The following CDH20 variants were observed in gnomAD, a reference collection of about 807,000 sequenced individuals.
CDH20 encodes the protein cadherin-20.
CDH20 carries 29 observed loss-of-function variants against 74.2 expected under a neutral mutation model. That is an observed-to-expected ratio of 0.39 (90% CI 0.29 to 0.53). The LOEUF (loss-of-function observed/expected upper bound fraction) is 0.53. Ranked by LOEUF, CDH20 falls within the 20% of genes least tolerant of loss-of-function variation. The pLI is 0.69. For synonymous variants in CDH20, 469 were observed against 405.4 expected (o/e 1.16, Z -1.88); for missense variants, 988 against 1,048.3 (o/e 0.94, Z 0.79).
At chr18:61,422,883 A>C (rs1012185767) in intron 1 of CDH20, among the ~76,000 whole-genome samples, 2 of 152,122 alleles carry the variant, frequency 1.3e-5, no homozygotes, top group African/African-American at 4.8e-5. Context: ...ATTTTATGAA[A>C]GAGTAGGAGA....
chr18:61,353,310 G>A lies in CDH20; in HGVS notation c.-153+19483G>A, dbSNP rs2144116988. Among the ~76,000 whole-genome samples the A allele has an allele frequency of 6.6e-6, 1 of 152,154 alleles. No individual in the cohort carries two copies. The highest frequency in any genetic ancestry group is 2.4e-5 in the African/African-American group (1 of 41,512). On this transcript the variant is annotated intron_variant, in intron 1 of 11. Coordinates refer to ENST00000262717, the MANE Select transcript of CDH20 (RefSeq NM_031891.4). The surrounding 1 kb of genome is among the most constrained non-coding windows in gnomAD (Gnocchi z 4.6). ...TTTGTTCTTATACTTCTCTGGCCCT[G>A]GGCTTTTCTCATCTACATGCTGTTC...
At chr18:61,546,076 T>C (rs1913238831) in intron 10 of CDH20, among the ~76,000 whole-genome samples, 1 of 152,174 alleles carries the variant, frequency 6.6e-6, no homozygotes, top group Non-Finnish European at 1.5e-5. Context: ...CAAATGAACC[T>C]CATCTGTTGT....
intron 1 of CDH20, among the ~76,000 whole-genome samples, chr18:61,452,153 G>T (rs913126721): frequency 6.6e-6 from 1 of 151,960 alleles, no homozygotes; most frequent in East Asian, 1.9e-4. Flanking sequence ...CTTCCATTCA[G>T]TTCTTATATT....
intron 1 of CDH20, among the ~76,000 whole-genome samples, chr18:61,360,831 T>G (rs1910665167): frequency 6.6e-6 from 1 of 152,216 alleles, no homozygotes; most frequent in African/African-American, 2.4e-5. Context: ...GGGAACAGCA[T>G]TTGCTAAAGT....
At chr18:61,524,315 G>A (rs1347410058) in intron 6 of CDH20, among the ~76,000 whole-genome samples, 1 of 152,182 alleles carries the variant, frequency 6.6e-6, no homozygotes, top group Non-Finnish European at 1.5e-5. Flanking sequence ...TGACAAAGAT[G>A]TGGGGTGACT....
At chr18:61,492,265 A>G (rs945681152) in intron 2 of CDH20, among the ~76,000 whole-genome samples, 1 of 151,948 alleles carries the variant, frequency 6.6e-6, no homozygotes, top group African/African-American at 2.4e-5. Context: ...CTCCCTCTGC[A>G]AATTCTGCTA....
intron 1 of CDH20, among the ~76,000 whole-genome samples, chr18:61,422,092 G>C (rs2215460): frequency 6.6e-6 from 1 of 152,220 alleles, no homozygotes; most frequent in South Asian, 2.1e-4. Flanking sequence ...CATGCATTCA[G>C]GGACCTTAAT....
chr18:61,435,524 G>A (rs1908802146), intron 1 of CDH20, among the ~76,000 whole-genome samples: 1 of 151,932 alleles, frequency 6.6e-6, no homozygotes, highest in Admixed American at 6.6e-5. Flanking sequence ...GATGCAGGTA[G>A]ATAAATGGAA....
chr18:61,452,198 A>G (rs1361083058), intron 1 of CDH20, among the ~76,000 whole-genome samples: 1 of 152,102 alleles, frequency 6.6e-6, no homozygotes, highest in Admixed American at 6.5e-5. Flanking sequence ...TCTATGTCCG[A>G]TTCATTTCCA....
chr18:61,462,792 C>T (rs1242116226), intron 1 of CDH20, among the ~76,000 whole-genome samples: 3 of 151,428 alleles, frequency 2.0e-5, no homozygotes, highest in African/African-American at 7.3e-5. Context: ...AACTCAAGAT[C>T]CTTGAAGTTT....
chr18:61,347,319 TACACACAC>T lies in CDH20; in HGVS notation c.-153+13518_-153+13525del, dbSNP rs33985303. Among the ~76,000 whole-genome samples, 108 of 77,374 alleles carry T rather than the reference TACACACAC, an allele frequency of 1.4e-3. 1 individual carries two copies. Among genetic ancestry groups the T allele is most frequent in the East Asian group, 2.9e-3 (8 of 2,802 alleles). The allele number at this position is 77,374 out of a possible 152,430, so 50.8% of individuals were successfully genotyped here. A position where few individuals can be genotyped will look rare whatever the true frequency, so the allele number is the denominator to read the frequency against. On this transcript the variant is annotated intron_variant, in intron 1 of 11. Transcript: ENST00000262717. ...ATATATATATATATATATATATATATACACACACACACACACACACACACACACACACA... is the reference window on the plus strand; with the variant it reads ...ATATATATATATATATATATATATATACACACACACACACACACACACACA...
At chr18:61,547,685 G>T (rs986819757) in intron 10 of CDH20, among the ~76,000 whole-genome samples, 2 of 152,244 alleles carry the variant, frequency 1.3e-5, no homozygotes, top group South Asian at 4.2e-4. Context: ...ACTGGGATTA[G>T]AAATTGAGTC....
intron 1 of CDH20, among the ~76,000 whole-genome samples, chr18:61,485,510 A>G (rs1171335320): frequency 6.6e-6 from 1 of 152,170 alleles, no homozygotes; most frequent in Non-Finnish European, 1.5e-5. Context: ...TGACCACAAA[A>G]GAGCCATGGA....
At chr18:61,463,483 G>A (rs1909856433) in intron 1 of CDH20, among the ~76,000 whole-genome samples, 1 of 152,164 alleles carries the variant, frequency 6.6e-6, no homozygotes, top group Non-Finnish European at 1.5e-5. Flanking sequence ...GAAAGAGCCA[G>A]ACTCTAAATA....
At chr18:61,487,630 G>A (rs185813756) in intron 1 of CDH20, among the ~76,000 whole-genome samples, 34 of 152,308 alleles carry the variant, frequency 2.2e-4, no homozygotes, top group Admixed American at 7.8e-4. Context: ...ACCTTTGTAC[G>A]TGTTCAGTGG....
intron 1 of CDH20, among the ~76,000 whole-genome samples, chr18:61,471,741 T>TTA (rs1218140290): frequency 1.3e-5 from 2 of 152,188 alleles, no homozygotes; most frequent in African/African-American, 4.8e-5. Context: ...GTCGGAGCAT[T>TTA]TATAGCCTCA....
Position 61,505,243 on chromosome 18 carries a change from G to A in CDH20, c.829+2123G>A, listed in dbSNP as rs116995535. The stretch of plus-strand genomic sequence containing the variant: ...GTAGATGGATTCGGACATATTGCCG[G>A]GAGTCATGTTACCCCAAACATGGCA... On this transcript the variant is annotated intron_variant, in intron 5 of 11. Coordinates refer to ENST00000262717, the MANE Select transcript of CDH20 (RefSeq NM_031891.4). Among the ~76,000 whole-genome samples, 1,459 of 152,154 alleles carry A rather than the reference G, an allele frequency of 9.6e-3. 19 individuals carry two copies. The highest frequency in any genetic ancestry group is 0.014 in the Non-Finnish European group (986 of 68,014).
In CDH20 at chr18:61,457,201, T is replaced by G. The variant is rs143135403; in HGVS notation, c.-152-33201T>G. Reference sequence around the variant, plus strand: ...TAGTAATCTCTGATTTCTCACTCATTCCTCAGTGGTTGTCTAATTATAGTT... The same window carrying G: ...TAGTAATCTCTGATTTCTCACTCATGCCTCAGTGGTTGTCTAATTATAGTT... On this transcript the variant is annotated intron_variant, in intron 1 of 11. Transcript: ENST00000262717. Among the ~76,000 whole-genome samples the G allele has an allele frequency of 4.8e-3, 726 of 152,204 alleles. 6 individuals are homozygous for G. The highest frequency in any genetic ancestry group is 0.041 in the Middle Eastern group (12 of 294).
chr18:61,496,902 T>A (rs1911185675), intron 2 of CDH20, among the ~76,000 whole-genome samples: 1 of 152,272 alleles, frequency 6.6e-6, no homozygotes, highest in African/African-American at 2.4e-5. Flanking sequence ...TACATGTTTT[T>A]AATTTAAAAC....
Sources: gnomAD v4.1 joint callset for allele counts (sites outside exome capture counted in the v4.1 genomes callset) on GRCh38, gnomAD v4.1.1 for gene constraint, Gnocchi (gnomAD v3.1) non-coding constraint, MANE v1.5 for transcripts, NCBI Gene and HGNC (gene_info 2026-07-23, HGNC 2026-07-21) for gene names.